The following MTHFS variants were observed in gnomAD, a reference collection of about 807,000 sequenced individuals.
The protein encoded by MTHFS is methenyltetrahydrofolate synthetase.
MTHFS carries 7 observed loss-of-function variants against 12.7 expected under a neutral mutation model. That is an observed-to-expected ratio of 0.55 (90% CI 0.31 to 1.03). The LOEUF is 1.03. Ranked by LOEUF, MTHFS falls within the 50% of genes least tolerant of loss-of-function variation. The pLI is 0.05. For synonymous variants in MTHFS, 100 were observed against 97.1 expected (o/e 1.03, Z -0.18); for missense variants, 252 against 258.1 (o/e 0.98, Z 0.16).
intron 2 of MTHFS, among the ~76,000 whole-genome samples, chr15:79,849,097 A>G (rs16971434): frequency 0.037 from 5,568 of 152,244 alleles, 263 homozygotes; most frequent in African/African-American, 0.11. Context: ...CCAGGTAACT[A>G]AGGCTCGGAA....
intron 2 of MTHFS, among the ~76,000 whole-genome samples, chr15:79,873,158 T>C (rs189270786): frequency 2.9e-3 from 441 of 152,262 alleles, no homozygotes; most frequent in African/African-American, 0.01. Context: ...TTGTGACGCC[T>C]CCTGGTGCCA....
intron 2 of MTHFS, among the ~76,000 whole-genome samples, chr15:79,869,083 G>A (rs933582360): frequency 2.0e-5 from 3 of 152,056 alleles, no homozygotes; most frequent in Admixed American, 1.3e-4. Context: ...ATAAAAGTAA[G>A]TATGTATTTA....
chr15:79,853,622 A>G (rs2033751244), intron 2 of MTHFS, among the ~76,000 whole-genome samples: 2 of 152,198 alleles, frequency 1.3e-5, no homozygotes, highest in Admixed American at 1.3e-4. Context: ...CTAACACTAC[A>G]AGAGCTATCA....
chr15:79,875,546 C>T (rs2141364211), intron 2 of MTHFS, among the ~76,000 whole-genome samples: 1 of 152,024 alleles, frequency 6.6e-6, no homozygotes, highest in Admixed American at 6.6e-5. Context: ...ATAAGTTGGC[C>T]CCAACTTATA....
At chr15:79,874,630 T>C (rs2034158249) in intron 2 of MTHFS, among the ~76,000 whole-genome samples, 1 of 151,968 alleles carries the variant, frequency 6.6e-6, no homozygotes, top group African/African-American at 2.4e-5. Flanking sequence ...GGGGCAGGAA[T>C]CCAGTTAGTG....
At chr15:79,869,518 T>C (rs2034067886) in intron 2 of MTHFS, among the ~76,000 whole-genome samples, 1 of 152,198 alleles carries the variant, frequency 6.6e-6, no homozygotes, top group South Asian at 2.1e-4. Flanking sequence ...CTCTGCAACC[T>C]AGACCTCCTG....
At chr15:79,848,723 T>C (rs1182228743) in intron 2 of MTHFS, among the ~76,000 whole-genome samples, 1 of 152,220 alleles carries the variant, frequency 6.6e-6, no homozygotes, top group Non-Finnish European at 1.5e-5. Context: ...TCTTTTCTTG[T>C]TACTCCCTGT....
intron 2 of MTHFS, among the ~76,000 whole-genome samples, chr15:79,859,843 T>G (rs1391533473): frequency 2.0e-5 from 3 of 150,288 alleles, no homozygotes; most frequent in Non-Finnish European, 4.4e-5. Context: ...AAAAAACCCT[T>G]ATTTTCTCTC....
At chr15:79,891,117 C>G (rs2034465121) in intron 1 of MTHFS, among the ~76,000 whole-genome samples, 1 of 152,136 alleles carries the variant, frequency 6.6e-6, no homozygotes, top group African/African-American at 2.4e-5. Context: ...TTCTGTAAGA[C>G]AAAGAGTGGA....
chr15:79,890,693 GAACAGT>G (rs1237230538), intron 1 of MTHFS, among the ~76,000 whole-genome samples: 1 of 152,100 alleles, frequency 6.6e-6, no homozygotes, highest in Non-Finnish European at 1.5e-5. Context: ...AAAGATACAG[GAACAGT>G]AAGTCAGGTT....
At position 79,889,349 on chromosome 15, in the gene MTHFS, A is replaced by T; in HGVS notation, c.123T>A (p.Ile41=). 2 of 1,612,768 alleles carry T rather than the reference A, an allele frequency of 1.2e-6. No homozygotes were observed. The highest frequency in any genetic ancestry group is 1.7e-6 in the Non-Finnish European group (2 of 1,179,034). ...RQSRVLSQKV[I]AHSEYQKSKR... The stretch of plus-strand genomic sequence containing the variant: ...TGGACTTTTGATACTCACTGTGGGC[A>T]ATCACCTAAATGGGAAATTATGGCA... Residue 41 remains isoleucine (I), a synonymous_variant, in exon 2 of 3, where the codon ATT becomes ATA. Transcript: ENST00000258874.
At chr15:79,860,344 G>A (rs571509422) in intron 2 of MTHFS, among the ~76,000 whole-genome samples, 6 of 150,946 alleles carry the variant, frequency 4.0e-5, no homozygotes, top group South Asian at 2.1e-4. Flanking sequence ...AACAGAGATC[G>A]CACCACTGCA....
At chr15:79,896,710 T>C in intron 1 of MTHFS, 162 bp downstream of exon 1, 1 of 1,260,746 alleles carries the variant, frequency 7.9e-7, no homozygotes, top group South Asian at 1.6e-5. Flanking sequence ...AGACCACGAC[T>C]AGGGGGCGTG....
At chr15:79,875,872 G>A (rs2034186289) in intron 2 of MTHFS, 1 of 152,020 alleles carries the variant, frequency 6.6e-6, no homozygotes, top group Non-Finnish European at 1.5e-5. Context: ...CAGTAAAAAG[G>A]CAATGTAATT....
At chr15:79,885,557 A>G (rs1305643514) in intron 2 of MTHFS, among the ~76,000 whole-genome samples, 1 of 152,202 alleles carries the variant, frequency 6.6e-6, no homozygotes, top group East Asian at 1.9e-4. Flanking sequence ...ACCTAGTCTA[A>G]GTCAATCCGC....
chr15:79,855,940 C>CATG (rs2033793358), intron 2 of MTHFS, among the ~76,000 whole-genome samples: 1 of 152,104 alleles, frequency 6.6e-6, no homozygotes, highest in Non-Finnish European at 1.5e-5. Flanking sequence ...AGGCTGATTC[C>CATG]ATGTCTTTGC....
chr15:79,858,335 G>A (rs186102612), intron 2 of MTHFS, among the ~76,000 whole-genome samples: 1 of 152,332 alleles, frequency 6.6e-6, no homozygotes, highest in East Asian at 1.9e-4. Flanking sequence ...GAAGGAAGTT[G>A]TATTCCCTTG....
chr15:79,862,652 T>G (rs1307438025), intron 2 of MTHFS, among the ~76,000 whole-genome samples: 1 of 152,208 alleles, frequency 6.6e-6, no homozygotes, highest in Non-Finnish European at 1.5e-5. Flanking sequence ...GTCTCTTAAT[T>G]CTAGCAAATT....
At chr15:79,850,618 T>C (rs2033697949) in intron 2 of MTHFS, among the ~76,000 whole-genome samples, 1 of 152,094 alleles carries the variant, frequency 6.6e-6, no homozygotes. Context: ...GAAAGAGAGT[T>C]TCAGGGAGAG....
Sources: gnomAD v4.1 joint callset for allele counts (sites outside exome capture counted in the v4.1 genomes callset) on GRCh38, gnomAD v4.1.1 for gene constraint, MANE v1.5 for transcripts, NCBI Gene and HGNC (gene_info 2026-07-23, HGNC 2026-07-21) for gene names.